Variants in NCOR2 observed in about 807,000 individuals in gnomAD.
NCOR2 encodes nuclear receptor corepressor 2.
A neutral mutation model predicts 262.9 loss-of-function variants in NCOR2; 81 were observed. That is an observed-to-expected ratio of 0.31 (90% CI 0.26 to 0.37). NCOR2 has a LOEUF of 0.37. Among genes scored for constraint, NCOR2 ranks in the 10% least tolerant of loss-of-function variants. The pLI, the probability that NCOR2 is intolerant of heterozygous loss-of-function variation, is 1.00. For synonymous variants in NCOR2, 1,659 were observed against 1,559.3 expected (o/e 1.06, Z -1.51); for missense variants, 3,385 against 3,621.4 (o/e 0.93, Z 1.68).
chr12:124,342,443 C>T (rs1430545741), intron 33 of NCOR2, among the ~76,000 whole-genome samples: 2 of 152,100 alleles, frequency 1.3e-5, no homozygotes, highest in Non-Finnish European at 2.9e-5. Context: ...GATCTTGGCT[C>T]ACTGCAAGCT....
rs931422477 is a variant in NCOR2, at chr12:124,466,405, A to G, written c.592-119T>C. ...GGGCCACGGCCGCGCACAGGAAGTCAGGCTGCTACACATTTCCTGTGAGTC... is the reference window on the plus strand; with the variant it reads ...GGGCCACGGCCGCGCACAGGAAGTCGGGCTGCTACACATTTCCTGTGAGTC... On this transcript the variant is annotated intron_variant, in intron 4 of 46. Transcript: ENST00000405201. The G allele has an allele frequency of 7.2e-6, 6 of 831,528 alleles. No homozygotes were observed. The Middle Eastern group carries it at 1.0e-3, about 139-fold the overall frequency. 51.5% of individuals were successfully genotyped at this position (831,528 alleles called of 1,614,324 possible).
chr12:124,507,894 G>A (rs977438081), intron 1 of NCOR2, among the ~76,000 whole-genome samples: 2 of 152,208 alleles, frequency 1.3e-5, no homozygotes, highest in South Asian at 2.1e-4. Context: ...CAGCTGTGCA[G>A]CTGCCGGAAA....
intron 13 of NCOR2, among the ~76,000 whole-genome samples, chr12:124,409,684 CT>C (rs1308433851): frequency 1.3e-5 from 2 of 151,640 alleles, no homozygotes; most frequent in East Asian, 3.9e-4. Flanking sequence ...CTTGTTTGCC[CT>C]TTTTTTTGGA....
intron 17 of NCOR2, among the ~76,000 whole-genome samples, chr12:124,382,772 C>T (rs563107317): frequency 1.3e-5 from 2 of 152,340 alleles, no homozygotes; most frequent in South Asian, 2.1e-4. Context: ...GCTGAATGGA[C>T]AGTGAGGATA....
intron 1 of NCOR2, among the ~76,000 whole-genome samples, chr12:124,563,761 A>T (rs1316308443): frequency 1.3e-5 from 2 of 152,240 alleles, no homozygotes; most frequent in South Asian, 2.1e-4. Context: ...CTTCTCCCCA[A>T]ACCCTGGGGA....
rs79919988 is a variant in NCOR2 at position 124,452,146 on chromosome 12, G to A, written c.763-2279C>T. On this transcript the variant is annotated intron_variant, in intron 6 of 46. Coordinates refer to ENST00000405201, the Ensembl canonical transcript of NCOR2. The stretch of plus-strand genomic sequence containing the variant: ...GGAAGTTTGAACAAGAGGGAGAAGT[G>A]GGCAGAGGAACAAGAGAGCCCACGG... Among the ~76,000 whole-genome samples the A allele has an allele frequency of 5.1e-3, 783 of 152,336 alleles. 8 individuals are homozygous for A. The highest frequency in any genetic ancestry group is 8.5e-3 in the Non-Finnish European group (579 of 68,034).
At chr12:124,512,681 G>A (rs1199822615) in intron 1 of NCOR2, among the ~76,000 whole-genome samples, 1 of 152,176 alleles carries the variant, frequency 6.6e-6, no homozygotes, top group Non-Finnish European at 1.5e-5. Flanking sequence ...AGCCCCAGCG[G>A]AACCCCATGA....
intron 1 of NCOR2, among the ~76,000 whole-genome samples, chr12:124,546,730 T>C (rs546519908): frequency 4.6e-5 from 7 of 152,050 alleles, no homozygotes; most frequent in South Asian, 2.1e-4. Flanking sequence ...AAGTTTTAAA[T>C]TGCACGCTGT....
intron 7 of NCOR2, among the ~76,000 whole-genome samples, chr12:124,441,523 A>T (rs1229465965): frequency 6.6e-6 from 1 of 152,260 alleles, no homozygotes; most frequent in Non-Finnish European, 1.5e-5. Flanking sequence ...AATCGTCATT[A>T]GAACGCAGTA....
chr12:124,527,579 G>A (rs753447047), intron 1 of NCOR2, among the ~76,000 whole-genome samples: 5 of 152,046 alleles, frequency 3.3e-5, no homozygotes, highest in Admixed American at 6.5e-5. Flanking sequence ...CACCACGCCC[G>A]GCTAATTCTT....
chr12:124,385,282 A>G (rs2040716675), intron 17 of NCOR2, among the ~76,000 whole-genome samples: 1 of 151,998 alleles, frequency 6.6e-6, no homozygotes, highest in African/African-American at 2.4e-5. Flanking sequence ...GCCCCCCCAG[A>G]CCTGTCCCTC....
Position 124,373,337 on chromosome 12 carries a change from G to A in NCOR2, c.2219-727C>T, listed in dbSNP as rs1343527173. ...GGACAATCATGAGGCCAGTGCGTGT[G>A]CAGGGGCCCCGGGCACAGTGGACAA... On this transcript the variant is annotated intron_variant, in intron 19 of 46. Coordinates refer to ENST00000405201, the Ensembl canonical transcript of NCOR2. Among the ~76,000 whole-genome samples, 8 of 30,526 alleles carry A rather than the reference G, an allele frequency of 2.6e-4. 1 individual carries two copies. The highest frequency in any genetic ancestry group is 6.9e-4 in the African/African-American group (8 of 11,606). 20.0% of individuals were successfully genotyped at this position (30,526 alleles called of 152,430 possible).
At position 124,378,328 on chromosome 12, in the gene NCOR2, C is replaced by A. The variant is rs370837121; in HGVS notation, c.2076G>T (p.Glu692Asp). ...CCACCACGGGCGGGAATGCAGCCTC[C>A]TCGCTGGCCGCCGCCGGCGCTTTCT... The change falls in exon 18 of 47, where the codon GAG (glutamate) becomes GAT (aspartate). Residue 692 changes from glutamate to aspartate, a missense_variant. By Grantham distance (45) the Glu-to-Asp change is conservative (BLOSUM62 2). Transcript: ENST00000405201. The surrounding 1 kb of genome is among the most constrained non-coding windows in gnomAD (Gnocchi z 4.2). 1.2e-5 allele frequency: 19 copies of A among 1,613,874 alleles called. No homozygotes were observed. The highest frequency in any genetic ancestry group is 1.6e-5 in the Non-Finnish European group (19 of 1,179,922).
At chr12:124,363,684 G>T in exon 21 of NCOR2, 1 of 1,390,104 alleles carries the variant, frequency 7.2e-7, no homozygotes. Flanking sequence ...CTCACGATGG[G>T]GGGGATGGCA....
At chr12:124,403,379 C>G (rs562876078) in intron 13 of NCOR2, among the ~76,000 whole-genome samples, 1 of 152,296 alleles carries the variant, frequency 6.6e-6, no homozygotes, top group East Asian at 1.9e-4. Context: ...CTGTCATCTG[C>G]CTCCCCGACC....
upstream of NCOR2, among the ~76,000 whole-genome samples, chr12:124,495,659 C>T (rs2048341266): frequency 6.6e-6 from 1 of 152,172 alleles, no homozygotes; most frequent in South Asian, 2.1e-4. This position sits in a 1 kb window ranked among gnomAD's most constrained non-coding sequence, Gnocchi z 4.4. Context: ...GCCCTCACCA[C>T]CACCCAGATG....
At chr12:124,387,772 T>C (rs559097185) in intron 16 of NCOR2, among the ~76,000 whole-genome samples, 2 of 152,298 alleles carry the variant, frequency 1.3e-5, no homozygotes, top group Admixed American at 1.3e-4. Flanking sequence ...GCCGCGCGTT[T>C]ATTTATATTT....
At chr12:124,563,088 A>G (rs1262725116) in intron 1 of NCOR2, among the ~76,000 whole-genome samples, 1 of 152,172 alleles carries the variant, frequency 6.6e-6, no homozygotes. Context: ...GCTCTCCAAT[A>G]TGGCACAGGT....
At chr12:124,427,021 C>T (rs893129890) in intron 10 of NCOR2, among the ~76,000 whole-genome samples, 1 of 152,204 alleles carries the variant, frequency 6.6e-6, no homozygotes, top group African/African-American at 2.4e-5. Flanking sequence ...GTGGGCAGGA[C>T]TGTAGATTCA....
Sources: gnomAD v4.1 joint callset for allele counts (sites outside exome capture counted in the v4.1 genomes callset) on GRCh38, gnomAD v4.1.1 for gene constraint, Gnocchi (gnomAD v3.1) non-coding constraint, MANE v1.5 for transcripts, NCBI Gene and HGNC (gene_info 2026-07-23, HGNC 2026-07-21) for gene names.